Variants in CNTNAP2 observed in about 807,000 individuals in gnomAD.
CNTNAP2 encodes the protein contactin associated protein 2, also known as contactin-associated protein-like 2.
In CNTNAP2, 98 loss-of-function variants were observed where a neutral mutation model predicts 155.2. That is an observed-to-expected ratio of 0.63 (90% CI 0.54 to 0.75). The LOEUF is 0.75. Ranked by LOEUF, CNTNAP2 falls within the 30% of genes least tolerant of loss-of-function variation. The pLI is 0.00. For synonymous variants in CNTNAP2, 651 were observed against 631.2 expected (o/e 1.03, Z -0.47); for missense variants, 1,727 against 1,688.1 (o/e 1.02, Z -0.40).
intron 1 of CNTNAP2, among the ~76,000 whole-genome samples, chr7:146,311,294 G>C (rs1287150331): frequency 6.6e-6 from 1 of 152,138 alleles, no homozygotes; most frequent in African/African-American, 2.4e-5. Context: ...ATCCAAGTCT[G>C]AGTACTCAAG....
At chr7:147,259,969 C>T (rs1393257422) in intron 8 of CNTNAP2, among the ~76,000 whole-genome samples, 2 of 152,152 alleles carry the variant, frequency 1.3e-5, no homozygotes, top group African/African-American at 2.4e-5. Context: ...TTTCCACTAT[C>T]CCTCCCTCCC....
chr7:147,394,807 T>TGTG (rs1796782791), intron 9 of CNTNAP2, among the ~76,000 whole-genome samples: 1 of 139,286 alleles, frequency 7.2e-6, no homozygotes, highest in Non-Finnish European at 1.6e-5. Flanking sequence ...ATCAACAGTA[T>TGTG]TGTGTGTGTG....
At chr7:146,219,885 A>T (rs1408791677) in intron 1 of CNTNAP2, among the ~76,000 whole-genome samples, 4 of 152,302 alleles carry the variant, frequency 2.6e-5, no homozygotes, top group South Asian at 4.1e-4. Context: ...AACTCTAAAG[A>T]TTATGGCTCA....
chr7:146,907,265 G>A (rs1280134481), intron 3 of CNTNAP2, among the ~76,000 whole-genome samples: 3 of 146,962 alleles, frequency 2.0e-5, no homozygotes, highest in Non-Finnish European at 4.5e-5. Context: ...ATCTAGCAAG[G>A]CAGGCCAACG....
At chr7:146,460,442 A>T (rs1351538550) in intron 1 of CNTNAP2, among the ~76,000 whole-genome samples, 1 of 152,184 alleles carries the variant, frequency 6.6e-6, no homozygotes, top group Admixed American at 6.5e-5. Flanking sequence ...AGCCAAAGGA[A>T]ATGAAATTAG....
intron 1 of CNTNAP2, among the ~76,000 whole-genome samples, chr7:146,726,453 A>C (rs1284471598): frequency 2.0e-5 from 3 of 152,086 alleles, no homozygotes. Flanking sequence ...AAATTACTTC[A>C]TTATTTTTAA....
rs371245221 is a variant in CNTNAP2, at chr7:146,516,855, C to T, written c.98-257416C>T. The stretch of plus-strand genomic sequence containing the variant: ...ATGAAATTCAAACAGTGCCCCAAAA[C>T]GAAACTCCTTCGCAAAATCTTTCTT... On this transcript the variant is annotated intron_variant, in intron 1 of 23. Coordinates refer to ENST00000361727, the MANE Select transcript of CNTNAP2 (RefSeq NM_014141.6). 9.9e-5 allele frequency among the ~76,000 whole-genome samples: 15 copies of T among 151,966 alleles called. No individual in the cohort carries two copies. In the South Asian group the frequency reaches 1.2e-3, roughly 13 times the overall value.
intron 8 of CNTNAP2, among the ~76,000 whole-genome samples, chr7:147,179,008 T>C (rs1460048950): frequency 6.6e-6 from 1 of 152,132 alleles, no homozygotes; most frequent in Non-Finnish European, 1.5e-5. Flanking sequence ...GTTCAGGGGC[T>C]AGCTGAGCAC....
intron 1 of CNTNAP2, among the ~76,000 whole-genome samples, chr7:146,557,381 A>G (rs1798212947): frequency 6.6e-6 from 1 of 152,064 alleles, no homozygotes; most frequent in African/African-American, 2.4e-5. Context: ...CGTTATTAGA[A>G]CCAATGGAAG....
At chr7:146,621,237 G>A (rs1799311518) in intron 1 of CNTNAP2, among the ~76,000 whole-genome samples, 1 of 152,072 alleles carries the variant, frequency 6.6e-6, no homozygotes, top group Non-Finnish European at 1.5e-5. Flanking sequence ...AAAAGTTGGG[G>A]AGAGAATATA....
chr7:147,565,785 A>C (rs1800158770), intron 12 of CNTNAP2, among the ~76,000 whole-genome samples: 1 of 141,770 alleles, frequency 7.1e-6, no homozygotes, highest in Non-Finnish European at 1.6e-5. Context: ...GAAGCTCAAG[A>C]ACTTACTTTT....
At chr7:147,840,784 A>G (rs1406121138) in intron 13 of CNTNAP2, among the ~76,000 whole-genome samples, 4 of 152,194 alleles carry the variant, frequency 2.6e-5, no homozygotes, top group African/African-American at 9.7e-5. Context: ...CTCACATCAC[A>G]TCTCTAAGAC....
At position 146,213,372 on chromosome 7, in the gene CNTNAP2, A is replaced by G. The variant is rs140430016; in HGVS notation, c.97+96399A>G. Among the ~76,000 whole-genome samples, 71 of 152,310 alleles carry G rather than the reference A, an allele frequency of 4.7e-4. No individual in the cohort carries two copies. In the East Asian group the frequency reaches 0.012, roughly 26 times the overall value. On this transcript the variant is annotated intron_variant, in intron 1 of 23. Coordinates refer to ENST00000361727, the MANE Select transcript of CNTNAP2 (RefSeq NM_014141.6). ...TGCAGCTGAGTTAAATATCATGGAA[A>G]CATTAGTGTTGAAAACTAAATAGAT...
At chr7:146,454,819 A>C (rs1293167595) in intron 1 of CNTNAP2, among the ~76,000 whole-genome samples, 1 of 152,110 alleles carries the variant, frequency 6.6e-6, no homozygotes, top group Non-Finnish European at 1.5e-5. Flanking sequence ...AAAATTTGGA[A>C]ATAAAGTGAA....
At chr7:147,090,272 T>G (rs973824452) in intron 4 of CNTNAP2, among the ~76,000 whole-genome samples, 3 of 152,044 alleles carry the variant, frequency 2.0e-5, no homozygotes, top group Admixed American at 1.3e-4. Context: ...CTCCAGCTAC[T>G]GTGAACCAGA....
At chr7:147,052,277 A>T (rs1336442334) in intron 4 of CNTNAP2, among the ~76,000 whole-genome samples, 1 of 152,152 alleles carries the variant, frequency 6.6e-6, no homozygotes, top group Non-Finnish European at 1.5e-5. Context: ...CAACTGCAAG[A>T]TACTGGGAGG....
intron 15 of CNTNAP2, among the ~76,000 whole-genome samples, chr7:148,012,343 A>T (rs558723954): frequency 6.6e-6 from 1 of 152,262 alleles, no homozygotes; most frequent in African/African-American, 2.4e-5. Flanking sequence ...GATTTTCAGA[A>T]CCCCTAGTCT....
chr7:147,594,218 C>G (rs1800787934), intron 12 of CNTNAP2, among the ~76,000 whole-genome samples: 1 of 150,194 alleles, frequency 6.7e-6, no homozygotes, highest in South Asian at 2.1e-4. Flanking sequence ...TCTCCACTTC[C>G]CGGGTTAAGC....
intron 1 of CNTNAP2, among the ~76,000 whole-genome samples, chr7:146,572,966 T>C (rs970467291): frequency 1.3e-5 from 2 of 152,158 alleles, no homozygotes; most frequent in Non-Finnish European, 2.9e-5. Flanking sequence ...GAAACTTGTG[T>C]AGATAAGCTG....
Sources: allele counts gnomAD v4.1 joint callset (sites outside exome capture counted in the v4.1 genomes callset), GRCh38; gene constraint gnomAD v4.1.1; transcripts MANE v1.5; gene names NCBI Gene and HGNC (gene_info 2026-07-23, HGNC 2026-07-21).